CDK5RAP2: variants seen among roughly 807,000 people sequenced by gnomAD.
CDK5RAP2 encodes the protein CDK5 regulatory subunit associated protein 2, also known as CDK5 regulatory subunit-associated protein 2.
Under a neutral mutation model 232.9 loss-of-function variants are expected in CDK5RAP2, and 147 were observed. The ratio of observed to expected loss-of-function variants is 0.63; its 90% CI spans 0.55 to 0.72. The LOEUF is 0.72. Ranked by LOEUF, CDK5RAP2 falls within the 30% of genes least tolerant of loss-of-function variation. The pLI is 0.00. For synonymous variants in CDK5RAP2, 833 were observed against 833.7 expected (o/e 1.00, Z 0.01); for missense variants, 2,195 against 2,231.5 (o/e 0.98, Z 0.33).
In CDK5RAP2 at chr9:120,536,637, C is replaced by T. The variant is rs2041402910; in HGVS notation, c.508-111G>A. On this transcript the variant is annotated intron_variant, in intron 6 of 37. Transcript: ENST00000349780. ...TTATGACTTCTTCTCCAGCACATTT[C>T]CCCTCCCTGAATTGTACTATACATG... 7.6e-6 allele frequency: 8 copies of T among 1,049,800 alleles called. No homozygotes were observed. The East Asian group carries it at 2.1e-4, about 27-fold the overall frequency. 65.0% of individuals were successfully genotyped at this position (1,049,800 alleles called of 1,614,324 possible). A position where few individuals can be genotyped will look rare whatever the true frequency, so the allele number is the denominator to read the frequency against.
chr9:120,519,452 A>C (rs1463421035), intron 11 of CDK5RAP2, among the ~76,000 whole-genome samples: 1 of 152,252 alleles, frequency 6.6e-6, no homozygotes, highest in East Asian at 1.9e-4. Flanking sequence ...AACCAAAACA[A>C]AACAACCTTG....
intron 25 of CDK5RAP2, among the ~76,000 whole-genome samples, chr9:120,426,439 T>C (rs994676949): frequency 6.6e-6 from 1 of 152,178 alleles, no homozygotes; most frequent in Non-Finnish European, 1.5e-5. Flanking sequence ...TTCCAGGTCA[T>C]TGGTGGATTC....
intron 14 of CDK5RAP2, among the ~76,000 whole-genome samples, chr9:120,484,968 C>T (rs1157440791): frequency 6.6e-6 from 1 of 151,896 alleles, no homozygotes; most frequent in African/African-American, 2.4e-5. Context: ...AAGCAATCCT[C>T]CTGTCTCAGC....
intron 9 of CDK5RAP2, 124 bp downstream of exon 9, chr9:120,528,620 C>T (rs1219504433): frequency 9.7e-6 from 7 of 721,444 alleles, no homozygotes; most frequent in Non-Finnish European, 1.5e-5. Context: ...GCTTGACTGG[C>T]ATACAGTAGC....
intron 4 of CDK5RAP2, among the ~76,000 whole-genome samples, chr9:120,547,126 T>C (rs920913681): frequency 2.0e-5 from 3 of 151,842 alleles, no homozygotes; most frequent in Non-Finnish European, 4.4e-5. Context: ...GCTGGGATTA[T>C]AGTAGGCACC....
At chr9:120,502,200 T>C (rs1038293957) in intron 12 of CDK5RAP2, among the ~76,000 whole-genome samples, 1 of 152,248 alleles carries the variant, frequency 6.6e-6, no homozygotes, top group Admixed American at 6.5e-5. Context: ...AGAATAACTA[T>C]AAAACCTGTG....
intron 1 of CDK5RAP2, among the ~76,000 whole-genome samples, chr9:120,572,475 A>G (rs2042888934): frequency 6.6e-6 from 1 of 152,236 alleles, no homozygotes; most frequent in Admixed American, 6.5e-5. Flanking sequence ...TGTTGTTACT[A>G]TTATCATTAT....
intron 10 of CDK5RAP2, among the ~76,000 whole-genome samples, chr9:120,525,425 C>T (rs2040855913): frequency 6.6e-6 from 1 of 152,170 alleles, no homozygotes; most frequent in African/African-American, 2.4e-5. Context: ...TACCCAACAC[C>T]TAGCCTGGGT....
intron 27 of CDK5RAP2, among the ~76,000 whole-genome samples, chr9:120,419,206 C>T (rs2034420383): frequency 1.3e-5 from 2 of 152,334 alleles, no homozygotes; most frequent in Admixed American, 6.5e-5. Flanking sequence ...TGATCTTGGA[C>T]TTCCTAGCCT....
At chr9:120,569,927 A>C (rs778702521) in intron 2 of CDK5RAP2, among the ~76,000 whole-genome samples, 2 of 152,162 alleles carry the variant, frequency 1.3e-5, no homozygotes, top group Non-Finnish European at 2.9e-5. Context: ...CCGATACTTT[A>C]AAAGTAGCCA....
intron 5 of CDK5RAP2, among the ~76,000 whole-genome samples, chr9:120,544,356 A>C (rs2041755162): frequency 6.6e-6 from 1 of 152,048 alleles, no homozygotes; most frequent in African/African-American, 2.4e-5. Context: ...CTCCCTGCCC[A>C]GAAAATAATC....
At chr9:120,414,497 G>A (rs943860108) in intron 28 of CDK5RAP2, among the ~76,000 whole-genome samples, 6 of 152,288 alleles carry the variant, frequency 3.9e-5, no homozygotes, top group African/African-American at 1.4e-4. Context: ...AAGAATATAT[G>A]CTGGTATTTG....
intron 1 of CDK5RAP2, among the ~76,000 whole-genome samples, chr9:120,575,336 A>C (rs892340809): frequency 1.3e-5 from 2 of 152,144 alleles, no homozygotes; most frequent in Admixed American, 6.5e-5. Flanking sequence ...TACAGGCGTG[A>C]GCCACCGCGC....
At chr9:120,448,873 A>C (rs2036340493) in intron 21 of CDK5RAP2, among the ~76,000 whole-genome samples, 1 of 151,896 alleles carries the variant, frequency 6.6e-6, no homozygotes, top group South Asian at 2.1e-4. Context: ...CACTGCTACC[A>C]CTCAACTCCA....
chr9:120,453,083 A>G (rs1275222663), intron 21 of CDK5RAP2, among the ~76,000 whole-genome samples: 2 of 152,212 alleles, frequency 1.3e-5, no homozygotes, highest in African/African-American at 2.4e-5. Flanking sequence ...CCACAATGCA[A>G]CCTTATGTAG....
At chr9:120,553,814 T>C (rs1279945484) in intron 3 of CDK5RAP2, among the ~76,000 whole-genome samples, 1 of 152,216 alleles carries the variant, frequency 6.6e-6, no homozygotes, top group Non-Finnish European at 1.5e-5. Flanking sequence ...CAGGTTGGAA[T>C]GAAGTGGTAT....
intron 3 of CDK5RAP2, among the ~76,000 whole-genome samples, chr9:120,552,203 G>T (rs543517176): frequency 6.6e-6 from 1 of 151,976 alleles, no homozygotes; most frequent in Non-Finnish European, 1.5e-5. Context: ...ACAGGTGCTG[G>T]AGAGGATGTG....
At chr9:120,518,211 G>GTGTGTGTGAC (rs1554770754) in intron 12 of CDK5RAP2, among the ~76,000 whole-genome samples, 43 of 31,666 alleles carry the variant, frequency 1.4e-3, no homozygotes, top group Admixed American at 5.9e-3. Flanking sequence ...GTGTGTGTGT[G>GTGTGTGTGAC]AGAGAGAGAG....
In CDK5RAP2 at chr9:120,447,853, G is replaced by A. The variant is rs377342364; in HGVS notation, c.3025+42C>T. 6.5e-4 allele frequency: 914 copies of A among 1,405,400 alleles called. 2 individuals are homozygous for A. The highest frequency in any genetic ancestry group is 8.3e-4 in the Non-Finnish European group (819 of 989,566). The allele number at this position is 1,405,400 out of a possible 1,614,324, so 87.1% of individuals were successfully genotyped here. A position where few individuals can be genotyped will look rare whatever the true frequency, so the allele number is the denominator to read the frequency against. ...ACATTTCAAGCAGTTCTATCGAGCC[G>A]TTTGTCTAGCTCACAGGGAATACAT... On this transcript the variant is annotated intron_variant, in intron 22 of 37. Coordinates refer to ENST00000349780, the MANE Select transcript of CDK5RAP2 (RefSeq NM_018249.6).
Sources: allele counts gnomAD v4.1 joint callset (sites outside exome capture counted in the v4.1 genomes callset), GRCh38; gene constraint gnomAD v4.1.1; transcripts MANE v1.5; gene names NCBI Gene and HGNC (gene_info 2026-07-23, HGNC 2026-07-21).